SPAG9: variants seen among roughly 807,000 people sequenced by gnomAD.
SPAG9 encodes the protein C-Jun-amino-terminal kinase-interacting protein 4.
In SPAG9, 35 loss-of-function variants were observed where a neutral mutation model predicts 166.5. The ratio of observed to expected loss-of-function variants is 0.21; its 90% CI spans 0.16 to 0.28. The LOEUF (loss-of-function observed/expected upper bound fraction) is 0.28, where lower values mean the gene tolerates loss of function less well. Among genes scored for constraint, SPAG9 ranks in the 10% least tolerant of loss-of-function variants. The pLI is 1.00. For missense variants in SPAG9, 1,235 were observed against 1,603.3 expected (o/e 0.77, Z 3.92); for synonymous variants, 534 against 565.5 (o/e 0.94, Z 0.79).
In SPAG9 at chr17:51,095,938, G is replaced by GATATAT. The variant is rs1490497206; in HGVS notation, c.304-16235_304-16234insATATAT. Among the ~76,000 whole-genome samples, 53 of 121,586 alleles carry GATATAT rather than the reference G, an allele frequency of 4.4e-4. 2 individuals carry two copies. Among genetic ancestry groups the GATATAT allele is most frequent in the African/African-American group, 1.5e-3 (44 of 28,992 alleles). The allele number at this position is 121,586 out of a possible 152,430, so 79.8% of individuals were successfully genotyped here. A position where few individuals can be genotyped will look rare whatever the true frequency, so the allele number is the denominator to read the frequency against. On this transcript the variant is annotated intron_variant, in intron 1 of 29. Transcript: ENST00000262013. ...ATATATATATAGTGATATATATAGT[G>GATATAT]ATATAGTTATATATATAGTGATATA...
At chr17:51,031,399 T>C (rs1009189680) in intron 6 of SPAG9, 14 of 444,328 alleles carry the variant, frequency 3.2e-5, no homozygotes, top group Non-Finnish European at 4.9e-5. Context: ...TACCATTACA[T>C]AGAGCTGGAT....
chr17:51,071,906 GA>G (rs35855631), intron 2 of SPAG9, among the ~76,000 whole-genome samples: 37,113 of 151,938 alleles, frequency 0.24, 5,259 homozygotes, highest in Admixed American at 0.34. Context: ...GTATAAACAT[GA>G]AAACTAGAAA....
chr17:51,076,982 T>TTATCTAGCTATCTATC (rs2047988535), intron 2 of SPAG9, among the ~76,000 whole-genome samples: 6 of 99,414 alleles, frequency 6.0e-5, no homozygotes, highest in Non-Finnish European at 1.3e-4. Flanking sequence ...TCTATCTATC[T>TTATCTAGCTATCTATC]TATCTAGCTA....
At chr17:50,992,544 G>A (rs999592398) in intron 19 of SPAG9, among the ~76,000 whole-genome samples, 5 of 152,220 alleles carry the variant, frequency 3.3e-5, no homozygotes, top group African/African-American at 1.2e-4. Flanking sequence ...GGTAGTGTGC[G>A]CCTGTGGTCC....
At chr17:50,995,374 T>A (rs1193497188) in intron 17 of SPAG9, 70 bp downstream of exon 17, 1 of 1,373,348 alleles carries the variant, frequency 7.3e-7, no homozygotes, top group Non-Finnish European at 1.0e-6. Context: ...ATACTTATAC[T>A]TTTTTGGTTT....
chr17:51,104,802 G>T (rs1476574908), intron 1 of SPAG9, among the ~76,000 whole-genome samples: 1 of 151,382 alleles, frequency 6.6e-6, no homozygotes, highest in Non-Finnish European at 1.5e-5. Context: ...GCGTGGTAGC[G>T]GGCGCCTGTA....
rs1409606251 is a variant in SPAG9, at chr17:51,096,564, C to T, written c.304-16860G>A. 3.3e-5 allele frequency among the ~76,000 whole-genome samples: 5 copies of T among 152,086 alleles called. No homozygotes were observed. The East Asian group carries it at 9.6e-4, about 29-fold the overall frequency. On this transcript the variant is annotated intron_variant, in intron 1 of 29. Coordinates refer to ENST00000262013, the MANE Select transcript of SPAG9 (RefSeq NM_001130528.3). ...ATTTTACAAATACATATCCTAAAAC[C>T]TGGCATCCTATTTCTAAAATATATA...
intron 2 of SPAG9, among the ~76,000 whole-genome samples, chr17:51,056,727 A>G (rs1042355107): frequency 2.0e-5 from 3 of 151,934 alleles, no homozygotes; most frequent in South Asian, 2.1e-4. Context: ...CCCCCTAAAC[A>G]GTTTTTTTTT....
Position 51,120,503 on chromosome 17 carries a change from G to T in SPAG9, c.154C>A (p.Pro52Thr), listed in dbSNP as rs2049447844. 6.2e-7 allele frequency: 1 copy of T among 1,613,870 alleles called. No individual in the cohort carries two copies. Among genetic ancestry groups the T allele is most frequent in the African/African-American group, 1.3e-5 (1 of 74,924 alleles). The change falls in exon 1 of 30, where the codon CCG becomes ACG. Residue 52 changes from proline to threonine, a missense_variant. By Grantham distance (38) the Pro-to-Thr change is conservative. Around this residue, in one of 6 missense-constraint regions of SPAG9, gnomAD observed 83 missense variants for 149.8 expected, o/e 0.55. Transcript: ENST00000262013. The surrounding 1 kb of genome is among the most constrained non-coding windows in gnomAD (Gnocchi z 4.7). ...TTCTCCAGCACAGCCACCACCAGCGGCATCAGCTCTTTGACCACCTCCTCG... is the reference window on the plus strand; with the variant it reads ...TTCTCCAGCACAGCCACCACCAGCGTCATCAGCTCTTTGACCACCTCCTCG... The part of the protein sequence containing the change: ...YDEEVVKELM[P>T]LVVAVLENLD...
At chr17:51,111,688 C>T (rs539341453) in intron 1 of SPAG9, among the ~76,000 whole-genome samples, 8 of 152,236 alleles carry the variant, frequency 5.3e-5, no homozygotes, top group Admixed American at 2.6e-4. Flanking sequence ...CTACAACCTC[C>T]GCCTCCCAGG....
At chr17:51,024,596 C>A (rs1469015676) in intron 6 of SPAG9, among the ~76,000 whole-genome samples, 1 of 151,614 alleles carries the variant, frequency 6.6e-6, no homozygotes, top group African/African-American at 2.4e-5. Context: ...GTCTGTAATC[C>A]CAGCTATTAG....
At chr17:51,098,649 C>G (rs544074453) in intron 1 of SPAG9, among the ~76,000 whole-genome samples, 1 of 152,070 alleles carries the variant, frequency 6.6e-6, no homozygotes, top group Non-Finnish European at 1.5e-5. Flanking sequence ...TCTGCCACCA[C>G]GCCAGACTAA....
At position 50,979,867 on chromosome 17, in the gene SPAG9, C is replaced by G. The variant is rs144524644; in HGVS notation, c.3288G>C (p.Ala1096=). 1 of 1,614,162 alleles carries G rather than the reference C, an allele frequency of 6.2e-7. No individual in the cohort carries two copies. The highest frequency in any genetic ancestry group is 8.5e-7 in the Non-Finnish European group (1 of 1,180,000). The change falls in exon 26 of 30, where the codon GCG becomes GCC. Residue 1096 remains alanine, a synonymous_variant. Transcript: ENST00000262013. The stretch of plus-strand genomic sequence containing the variant: ...AGACCCACACGCCATCCCCCACCCA[C>G]GCAAGCTGTCGCACTTGGCTCTCCT... ...PRKESQVRQL[A]WVGDGVWVSI... is the part of the protein sequence containing the mutation.
intron 3 of SPAG9, among the ~76,000 whole-genome samples, chr17:51,053,855 G>GTATATATA (rs1161592026): frequency 0.032 from 1,203 of 37,326 alleles, 54 homozygotes; most frequent in Non-Finnish European, 0.035. Context: ...AAAAAAAAAA[G>GTATATATA]TATATATATA....
intron 9 of SPAG9, chr17:51,009,044 A>T (rs1164763090): frequency 2.6e-6 from 1 of 383,200 alleles, no homozygotes; most frequent in Non-Finnish European, 5.1e-6. Flanking sequence ...GCAGAAAAAA[A>T]TGATGAGAAA....
chr17:51,031,650 T>C, intron 6 of SPAG9, 31 bp downstream of exon 6: 2 of 1,528,070 alleles, frequency 1.3e-6, no homozygotes, highest in Non-Finnish European at 1.8e-6. Context: ...TAGTATACTT[T>C]TTGCAAAATG....
In SPAG9 at chr17:50,966,346, G is replaced by T; in HGVS notation, c.3892C>A (p.Pro1298Thr). Reference protein sequence around the residue: ...GESELLGEDLPLEPSVTKAER... With the variant: ...GESELLGEDLTLEPSVTKAER... ...GCTTTGGTGACAGAAGGTTCAAGTG[G>T]AAGATCCTCTCCAAGAAGTTCTGAT... Residue 1298 changes from proline to threonine, a missense_variant, in exon 30 of 30, where the codon CCA becomes ACA. By Grantham distance (38) the Pro-to-Thr change is conservative. Around this residue, in one of 6 missense-constraint regions of SPAG9, gnomAD observed 243 missense variants for 358.6 expected, o/e 0.68. Coordinates refer to ENST00000262013, the MANE Select transcript of SPAG9 (RefSeq NM_001130528.3). 6.2e-7 allele frequency: 1 copy of T among 1,613,854 alleles called. No homozygotes were observed. Among genetic ancestry groups the T allele is most frequent in the Non-Finnish European group, 8.5e-7 (1 of 1,179,792 alleles).
At chr17:51,115,859 AAAAAG>A in intron 1 of SPAG9, among the ~76,000 whole-genome samples, 1 of 133,504 alleles carries the variant, frequency 7.5e-6, no homozygotes, top group South Asian at 2.4e-4. Context: ...AAAAGAAAAG[AAAAAG>A]AAAAGGAAGG....
intron 3 of SPAG9, among the ~76,000 whole-genome samples, chr17:51,054,296 T>G (rs993185898): frequency 1.3e-5 from 2 of 151,210 alleles, no homozygotes; most frequent in Admixed American, 6.6e-5. Flanking sequence ...TTGTATATAT[T>G]TTTTTTGGTA....
Sources: allele counts gnomAD v4.1 joint callset (sites outside exome capture counted in the v4.1 genomes callset), GRCh38; gene constraint gnomAD v4.1.1; regional missense constraint gnomAD v4.1.1; non-coding constraint Gnocchi (gnomAD v3.1); transcripts MANE v1.5; gene names NCBI Gene and HGNC (gene_info 2026-07-23, HGNC 2026-07-21).